RBM22: variants seen among roughly 807,000 people sequenced by gnomAD.
RBM22 encodes the protein pre-mRNA-splicing factor RBM22.
Under a neutral mutation model 50.1 loss-of-function variants are expected in RBM22, and 1 was observed. The observed-to-expected ratio is 0.02, with a 90% CI of 0.01 to 0.09. The LOEUF (loss-of-function observed/expected upper bound fraction) is 0.09. Ranked by LOEUF, RBM22 falls within the 10% of genes least tolerant of loss-of-function variation. The probability of loss-of-function intolerance (pLI) is 1.00; values close to 1 mark genes in which losing one functional copy is unlikely to be tolerated. For missense variants in RBM22, 264 were observed against 529.3 expected, an observed-to-expected ratio of 0.50 and a Z score of 4.92; for synonymous variants, 152 against 179.0, an observed-to-expected ratio of 0.85 and a Z score of 1.20.
chr5:150,697,673 G>A (rs1759294516), intron 4 of RBM22: 1 of 265,012 alleles, frequency 3.8e-6, no homozygotes, highest in Non-Finnish European at 7.5e-6. Flanking sequence ...AATGTGGCCA[G>A]GACTCTGACT....
chr5:150,700,561 T>C, intron 1 of RBM22, 64 bp from the exon 2 acceptor site: 3 of 1,610,954 alleles, frequency 1.9e-6, no homozygotes, highest in Non-Finnish European at 2.5e-6. Context: ...TCAGTGACAC[T>C]TGGGGTGGCG....
chr5:150,693,310 G>T lies in RBM22; in HGVS notation c.912-3C>A, dbSNP rs566544841. 1.9e-6 allele frequency: 3 copies of T among 1,611,170 alleles called. No individual in the cohort carries two copies. Among genetic ancestry groups the T allele is most frequent in the East Asian group, 2.2e-5 (1 of 44,878 alleles). The stretch of plus-strand genomic sequence containing the variant: ...CTTTTCCTCTGGCTGCCTGGGATCT[G>T]GGAAACACACATGCATACAGTCGGC... On this transcript the variant is annotated splice_region_variant and splice_polypyrimidine_tract_variant and intron_variant, in intron 8 of 10. Coordinates refer to ENST00000199814, the MANE Select transcript of RBM22 (RefSeq NM_018047.3).
At chr5:150,700,710 G>C in intron 1 of RBM22, 1 of 1,533,452 alleles carries the variant, frequency 6.5e-7, no homozygotes, top group South Asian at 1.2e-5. Flanking sequence ...AGGCTGGAGG[G>C]GGCAGGGATG....
In RBM22 at chr5:150,691,781, TC is replaced by T; in HGVS notation, c.1232del (p.Gly411GlufsTer52). On this transcript the variant is annotated frameshift_variant, in exon 11 of 11. Transcript: ENST00000199814. LOFTEE classifies it high-confidence loss of function. ...HYPSQDPQRM[G>X]AHAGKHSSP ...GGCTGCTGTGTTTTCCAGCATGAGC[TC>T]CCATCCTCTGAGGGTCCTGAGAAGG... 1 of 1,594,956 alleles carries T rather than the reference TC, an allele frequency of 6.3e-7. No individual in the cohort carries two copies. Among genetic ancestry groups the T allele is most frequent in the Non-Finnish European group, 8.5e-7 (1 of 1,170,538 alleles).
At chr5:150,694,327 A>G in intron 7 of RBM22, 87 bp from the exon 8 acceptor site, 1 of 1,496,372 alleles carries the variant, frequency 6.7e-7, no homozygotes. Context: ...TTTCACTGAC[A>G]CACCACTAGG....
chr5:150,699,094 C>A, intron 3 of RBM22, 148 bp downstream of exon 3: 1 of 1,146,344 alleles, frequency 8.7e-7, no homozygotes, highest in African/African-American at 1.6e-5. Flanking sequence ...TAAACAGTTG[C>A]CAGCCAATGA....
intron 1 of RBM22, 187 bp from the exon 2 acceptor site, chr5:150,700,684 G>A (rs1759335724): frequency 2.0e-6 from 3 of 1,527,320 alleles, no homozygotes; most frequent in Non-Finnish European, 2.6e-6. Context: ...CGGGAGAAAA[G>A]AAAACCAGCT....
At position 150,696,002 on chromosome 5, in the gene RBM22, G is replaced by T. The variant is rs1759271912; in HGVS notation, c.546-296C>A. On this transcript the variant is annotated intron_variant, in intron 6 of 10. Coordinates refer to ENST00000199814, the MANE Select transcript of RBM22 (RefSeq NM_018047.3). The surrounding 1 kb of genome is among the most constrained non-coding windows in gnomAD (Gnocchi z 4.3). ...CCACCCCCTCCCGCCCCCCAGAAAG[G>T]GACACATGATTACCCCTCTCTAGGT... Among the ~76,000 whole-genome samples the T allele has an allele frequency of 6.7e-6, 1 of 148,480 alleles. No homozygotes were observed. The highest frequency in any genetic ancestry group is 2.0e-4 in the East Asian group (1 of 5,106).
At chr5:150,699,482 C>T (rs535827025) in intron 2 of RBM22, among the ~76,000 whole-genome samples, 4 of 152,290 alleles carry the variant, frequency 2.6e-5, no homozygotes, top group Middle Eastern at 6.8e-3. Context: ...GTGATAACAT[C>T]TCAAGAGTAT....
rs1219979630 is a variant in RBM22 at position 150,698,614 on chromosome 5, G to A, written c.156C>T (p.Phe52=). Residue 52 remains phenylalanine (F), a synonymous_variant, in exon 4 of 11, where the codon TTC becomes TTT. Coordinates refer to ENST00000199814, the MANE Select transcript of RBM22 (RefSeq NM_018047.3). ...GKECKICARP[F]TVFRWCPGVR... ...CTCCAGGGCACCAGCGAAACACTGT[G>A]AATGGCCTGGCACAGATCTGGAACA... is the stretch of plus-strand genomic sequence containing the variant. The A allele has an allele frequency of 1.9e-6, 3 of 1,613,944 alleles. No homozygotes were observed. In the African/African-American group the frequency reaches 4.0e-5, roughly 22 times the overall value.
In RBM22 at chr5:150,696,825, T is replaced by A. The variant is rs747361840; in HGVS notation, c.338A>T (p.Asn113Ile). 5.0e-6 allele frequency: 8 copies of A among 1,614,248 alleles called. 1 individual carries two copies. In the South Asian group the frequency reaches 8.8e-5, roughly 18 times the overall value. The change falls in exon 5 of 11, where the codon AAC (asparagine) becomes ATC (isoleucine). Residue 113 changes from asparagine to isoleucine, a missense_variant. This residue lies in a region of RBM22 where 44 missense variants were observed against 57.9 expected (regional missense o/e 0.76). Coordinates refer to ENST00000199814, the MANE Select transcript of RBM22 (RefSeq NM_018047.3). This position sits in a 1 kb window ranked among gnomAD's most constrained non-coding sequence, Gnocchi z 4.3. Reference sequence around the variant, plus strand: ...CATATTCTGTGTATAGTACTCTTTGTTGACATCTGACTTTGGCATGTCATC... The same window carrying A: ...CATATTCTGTGTATAGTACTCTTTGATGACATCTGACTTTGGCATGTCATC... ...FKDDMPKSDVNKEYYTQNMER... is the reference protein window; with the variant it reads ...FKDDMPKSDVIKEYYTQNMER...
intron 1 of RBM22, chr5:150,700,728 T>C (rs866167105): frequency 6.5e-7 from 1 of 1,535,872 alleles, no homozygotes; most frequent in Admixed American, 2.0e-5. Flanking sequence ...ATGGAAAGGG[T>C]GCTGGTCCCG....
intron 1 of RBM22, 130 bp downstream of exon 1, chr5:150,700,802 G>C (rs773449537): frequency 6.3e-7 from 1 of 1,587,214 alleles, no homozygotes; most frequent in Non-Finnish European, 8.6e-7. Context: ...CTCCTGCTCC[G>C]GCCAAGCTAG....
chr5:150,695,442 T>C (rs1759263653), intron 7 of RBM22, 64 bp downstream of exon 7: 5 of 1,316,840 alleles, frequency 3.8e-6, no homozygotes, highest in Middle Eastern at 2.2e-4. Flanking sequence ...CTTGCAGTTT[T>C]TGCAAATAAA....
intron 7 of RBM22, 151 bp from the exon 8 acceptor site, chr5:150,694,391 C>A: frequency 8.0e-7 from 1 of 1,247,394 alleles, no homozygotes; most frequent in Non-Finnish European, 1.1e-6. Context: ...CACCCCATAT[C>A]TTGTCCTACT....
At chr5:150,699,468 A>G (rs972500256) in intron 2 of RBM22, among the ~76,000 whole-genome samples, 197 bp from the exon 3 acceptor site, 2 of 152,214 alleles carry the variant, frequency 1.3e-5, no homozygotes, top group Non-Finnish European at 2.9e-5. Context: ...ACAACATATT[A>G]TAAGTGATAA....
chr5:150,697,691 T>A, intron 4 of RBM22: 1 of 304,158 alleles, frequency 3.3e-6, no homozygotes, highest in Non-Finnish European at 6.4e-6. Flanking sequence ...ACTAGAAGAG[T>A]AACTCTAATG....
chr5:150,695,396 A>C, intron 7 of RBM22, 110 bp downstream of exon 7: 1 of 949,436 alleles, frequency 1.1e-6, no homozygotes. Flanking sequence ...CAATAGAGAG[A>C]CTACAGAAAA....
In RBM22 at chr5:150,700,349, A is replaced by AT. The variant is rs1280524058; in HGVS notation, c.108+94dup. 6.1e-5 allele frequency: 78 copies of AT among 1,273,308 alleles called. 1 individual carries two copies. The African/African-American group carries it at 9.5e-4, about 15-fold the overall frequency. 78.9% of individuals were successfully genotyped at this position (1,273,308 alleles called of 1,614,324 possible). On this transcript the variant is annotated intron_variant, in intron 2 of 10. Transcript: ENST00000199814. ...CACTTCGCGTTAGTAAAAGAGCATC[A>AT]TTTTTTCTGCTTGTCTAAGAGAAAC...
Sources: gnomAD v4.1 joint callset for allele counts (sites outside exome capture counted in the v4.1 genomes callset) on GRCh38, gnomAD v4.1.1 for gene constraint, gnomAD v4.1.1 regional missense constraint, Gnocchi (gnomAD v3.1) non-coding constraint, MANE v1.5 for transcripts, NCBI Gene and HGNC (gene_info 2026-07-23, HGNC 2026-07-21) for gene names.